The following OCA2 variants were observed in gnomAD, a reference collection of about 807,000 sequenced individuals.
The protein encoded by OCA2 is OCA2 melanosomal transmembrane protein, also known as P protein.
In OCA2, 77 loss-of-function variants were observed where a neutral mutation model predicts 100.2. That is an observed-to-expected ratio of 0.77 (90% confidence interval 0.64 to 0.93). The LOEUF (loss-of-function observed/expected upper bound fraction) is 0.93. OCA2 is among the 40% of genes least tolerant of loss of function. The pLI, the probability that OCA2 is intolerant of heterozygous loss-of-function variation, is 0.00. For synonymous variants in OCA2, 432 were observed against 439.2 expected (o/e 0.98, Z 0.21); for missense variants, 1,062 against 1,089.1 (o/e 0.98, Z 0.35).
intron 9 of OCA2, among the ~76,000 whole-genome samples, chr15:27,994,285 T>C (rs2041651886): frequency 6.6e-6 from 1 of 152,110 alleles, no homozygotes. Context: ...ATCTAACTAA[T>C]GCCCGATGAT....
intron 23 of OCA2, among the ~76,000 whole-genome samples, chr15:27,812,472 A>G (rs1468120715): frequency 6.6e-6 from 1 of 152,170 alleles, no homozygotes; most frequent in African/African-American, 2.4e-5. Flanking sequence ...AAAGTTCATG[A>G]TAGGTTTTTA....
chr15:27,726,299 AAAAATAAATAAATAAATAAATAAATAAAT>A, the OCA2 span, among the ~76,000 whole-genome samples: 1 of 130,352 alleles, frequency 7.7e-6, no homozygotes, highest in African/African-American at 2.8e-5. Flanking sequence ...CTCCAGCTCA[AAAAATAAATAAATAAATAAATAAATAAAT>A]AAATAAATAA....
chr15:27,947,067 C>T (rs1023732553), intron 18 of OCA2, among the ~76,000 whole-genome samples: 2 of 152,254 alleles, frequency 1.3e-5, no homozygotes, highest in Non-Finnish European at 2.9e-5. Context: ...CCCATTTCTA[C>T]ATGGCTGTCC....
At chr15:28,076,704 G>A (rs571052443) in intron 2 of OCA2, among the ~76,000 whole-genome samples, 39 of 151,048 alleles carry the variant, frequency 2.6e-4, no homozygotes, top group Non-Finnish European at 4.3e-4. Context: ...AAAATTAGCC[G>A]GGCGCGGTGG....
chr15:27,744,943 G>GCT, the OCA2 span, among the ~76,000 whole-genome samples: 64,276 of 151,512 alleles, frequency 0.42, 14,801 homozygotes, highest in Non-Finnish European at 0.52. Flanking sequence ...ACCCTTTGTA[G>GCT]CAGTAAGAGA....
In OCA2 at chr15:27,905,163, C is replaced by CAAAAAAAAAAAAAAAAAAAAA. The variant is rs35906783; in HGVS notation, c.2079+20963_2079+20964insTTTTTTTTTTTTTTTTTTTTT. Among the ~76,000 whole-genome samples, 2 of 114,642 alleles carry CAAAAAAAAAAAAAAAAAAAAA rather than the reference C, an allele frequency of 1.7e-5. 1 individual carries two copies. The highest frequency in any genetic ancestry group is 6.7e-5 in the African/African-American group (2 of 29,748). 75.2% of individuals were successfully genotyped at this position (114,642 alleles called of 152,430 possible). A position where few individuals can be genotyped will look rare whatever the true frequency, so the allele number is the denominator to read the frequency against. On this transcript the variant is annotated intron_variant, in intron 19 of 23. Coordinates refer to ENST00000354638, the MANE Select transcript of OCA2 (RefSeq NM_000275.3). ...TGGGCAACAGAATGAGACTCCACCT[C>CAAAAAAAAAAAAAAAAAAAAA]AAAAAAAAAAAAAAAAAATTGGCAA...
chr15:27,897,280 A>G (rs1363402318), intron 19 of OCA2, among the ~76,000 whole-genome samples: 2 of 151,980 alleles, frequency 1.3e-5, no homozygotes, highest in African/African-American at 4.8e-5. Flanking sequence ...GGTCGGGCCC[A>G]GTGCCTCCCT....
chr15:27,871,805 T>A (rs572047220), intron 20 of OCA2, 58 bp downstream of exon 20: 1 of 1,251,464 alleles, frequency 8.0e-7, no homozygotes, highest in Admixed American at 1.8e-5. Flanking sequence ...TTTTTAATTT[T>A]TTTCACAAAA....
intron 2 of OCA2, among the ~76,000 whole-genome samples, chr15:28,074,478 T>C (rs1008639712): frequency 6.6e-6 from 1 of 151,582 alleles, no homozygotes; most frequent in Non-Finnish European, 1.5e-5. Context: ...ATCGAGACCA[T>C]CCTGGCGAAC....
chr15:27,855,779 C>T (rs1260715054), intron 21 of OCA2, among the ~76,000 whole-genome samples: 4 of 152,182 alleles, frequency 2.6e-5, no homozygotes, highest in Non-Finnish European at 5.9e-5. Context: ...GCTTGCTTTA[C>T]AGTGGCAGAC....
chr15:27,743,984 A>G, the OCA2 span, among the ~76,000 whole-genome samples: 1 of 152,192 alleles, frequency 6.6e-6, no homozygotes, highest in Non-Finnish European at 1.5e-5. Flanking sequence ...ATATCCCCCC[A>G]GGAAACCTCT....
chr15:27,995,753 T>C (rs1397666460), intron 9 of OCA2, among the ~76,000 whole-genome samples: 1 of 151,604 alleles, frequency 6.6e-6, no homozygotes, highest in Non-Finnish European at 1.5e-5. Flanking sequence ...GGTATAAAAC[T>C]AGAAATTCAT....
intron 19 of OCA2, among the ~76,000 whole-genome samples, chr15:27,889,569 C>T (rs751399173): frequency 3.7e-4 from 57 of 152,218 alleles, no homozygotes; most frequent in Non-Finnish European, 6.6e-4. Context: ...CTTCACACTT[C>T]TGAGTCACCG....
At chr15:27,768,302 C>T (rs1368903819) in intron 23 of OCA2, among the ~76,000 whole-genome samples, 1 of 152,198 alleles carries the variant, frequency 6.6e-6, no homozygotes, top group Non-Finnish European at 1.5e-5. Context: ...AGCAGTGTAA[C>T]TTCTGTGAGA....
chr15:27,929,209 A>T (rs894383568), intron 18 of OCA2, among the ~76,000 whole-genome samples: 2 of 151,824 alleles, frequency 1.3e-5, no homozygotes, highest in Non-Finnish European at 2.9e-5. Flanking sequence ...ATAAAAAAAT[A>T]AAAAAGAACA....
At chr15:28,003,998 C>A (rs1366847800) in intron 9 of OCA2, among the ~76,000 whole-genome samples, 3 of 152,210 alleles carry the variant, frequency 2.0e-5, no homozygotes, top group Non-Finnish European at 4.4e-5. Flanking sequence ...GCTGCGCGCC[C>A]GCGCGGAAAC....
At chr15:27,902,940 C>A (rs899929950) in intron 19 of OCA2, among the ~76,000 whole-genome samples, 4 of 152,232 alleles carry the variant, frequency 2.6e-5, no homozygotes, top group African/African-American at 9.6e-5. Flanking sequence ...GGCTGGGCGG[C>A]CTGCAGAGCT....
intron 14 of OCA2, among the ~76,000 whole-genome samples, chr15:27,969,473 T>C (rs965209588): frequency 6.6e-6 from 1 of 152,196 alleles, no homozygotes; most frequent in African/African-American, 2.4e-5. Flanking sequence ...TTTACATGCC[T>C]CTGTAATTTC....
chr15:27,992,105 C>CT (rs66972965), intron 9 of OCA2, among the ~76,000 whole-genome samples: 277 of 144,248 alleles, frequency 1.9e-3, no homozygotes, highest in African/African-American at 5.8e-3. Context: ...GTTTAGGACG[C>CT]TTTTTTTTTT....
Sources: allele counts gnomAD v4.1 joint callset (sites outside exome capture counted in the v4.1 genomes callset), GRCh38; gene constraint gnomAD v4.1.1; transcripts MANE v1.5; gene names NCBI Gene and HGNC (gene_info 2026-07-23, HGNC 2026-07-21).